Variants in EPHA4 observed in about 807,000 individuals in gnomAD.
EPHA4 encodes ephrin type-A receptor 4.
Under a neutral mutation model 108.3 loss-of-function variants are expected in EPHA4, and 19 were observed. The observed-to-expected ratio is 0.18, with a 90% CI of 0.12 to 0.26. The LOEUF (loss-of-function observed/expected upper bound fraction) is 0.26. Among genes scored for constraint, EPHA4 ranks in the 10% least tolerant of loss-of-function variants. The pLI is 1.00. For synonymous variants in EPHA4, 449 were observed against 455.5 expected (o/e 0.99, Z 0.18); for missense variants, 917 against 1,254.0 (o/e 0.73, Z 4.06).
At chr2:221,538,124 C>T (rs1459987924) in intron 3 of EPHA4, among the ~76,000 whole-genome samples, 2 of 152,120 alleles carry the variant, frequency 1.3e-5, no homozygotes, top group Non-Finnish European at 2.9e-5. Context: ...AACGAAGAGT[C>T]TAAAACGTAG....
chr2:221,430,051 C>T lies in EPHA4; in HGVS notation c.2597G>A (p.Ser866Asn), dbSNP rs749224993. 2.5e-6 allele frequency: 4 copies of T among 1,614,104 alleles called. No individual in the cohort carries two copies. Among genetic ancestry groups the T allele is most frequent in the Non-Finnish European group, 3.4e-6 (4 of 1,180,028 alleles). ...LMLDCWQKER[S>N]DRPKFGQIVN... ...AATCTGCCCAAATTTAGGCCTGTCG[C>T]TCCTCTCCTTCTGCCAGCAGTCTAG... is the stretch of plus-strand genomic sequence containing the variant. Residue 866 changes from serine (S) to asparagine (N), a missense_variant, in exon 15 of 18, where the codon AGC becomes AAC. Physicochemically the swap from Ser to Asn is conservative, Grantham distance 46. Around this residue, in one of 3 missense-constraint regions of EPHA4, gnomAD observed 133 missense variants for 132.8 expected, o/e 1.00. Transcript: ENST00000281821.
chr2:221,483,952 C>G (rs904374886), intron 4 of EPHA4, among the ~76,000 whole-genome samples: 24 of 152,276 alleles, frequency 1.6e-4, no homozygotes, highest in African/African-American at 4.8e-4. Flanking sequence ...CATAGCTACT[C>G]AGTTTGACAG....
chr2:221,521,397 G>A (rs1693161227), intron 3 of EPHA4, among the ~76,000 whole-genome samples: 1 of 152,168 alleles, frequency 6.6e-6, no homozygotes, highest in Non-Finnish European at 1.5e-5. Context: ...CAGTAGAGAT[G>A]CTATAGCCAA....
At chr2:221,432,453 T>C (rs1331397979) in intron 14 of EPHA4, among the ~76,000 whole-genome samples, 1 of 152,164 alleles carries the variant, frequency 6.6e-6, no homozygotes, top group Non-Finnish European at 1.5e-5. Context: ...GCTATTCCCC[T>C]CCATAGTCTT....
At chr2:221,572,352 G>C, upstream of EPHA4, 1 of 1,032,632 alleles carries the variant, frequency 9.7e-7, no homozygotes, top group Non-Finnish European at 1.4e-6. Context: ...GGGCGGGCCC[G>C]GCCGGTGACG....
chr2:221,445,187 T>G (rs902016540), intron 9 of EPHA4, among the ~76,000 whole-genome samples: 3 of 152,188 alleles, frequency 2.0e-5, no homozygotes, highest in Non-Finnish European at 4.4e-5. Flanking sequence ...TTCAATAGCT[T>G]GTGTGGCTAT....
At chr2:221,531,969 G>A (rs1693532966) in intron 3 of EPHA4, among the ~76,000 whole-genome samples, 1 of 152,138 alleles carries the variant, frequency 6.6e-6, no homozygotes, top group African/African-American at 2.4e-5. Context: ...TCAGGAACAA[G>A]GACCTGCAGC....
rs1253091657 is a variant in EPHA4, at chr2:221,571,119, C to T, written c.91+1039G>A. ...CCGCTTCCACGCAGGCATTCGCGCA[C>T]CTACATACACGCAGTTGCACGCGCG... On this transcript the variant is annotated intron_variant, in intron 1 of 17. Coordinates refer to ENST00000281821, the MANE Select transcript of EPHA4 (RefSeq NM_004438.5). The surrounding 1 kb of genome is among the most constrained non-coding windows in gnomAD (Gnocchi z 6.3). Among the ~76,000 whole-genome samples the T allele has an allele frequency of 1.3e-5, 2 of 152,090 alleles. No homozygotes were observed. The highest frequency in any genetic ancestry group is 2.9e-5 in the Non-Finnish European group (2 of 68,012).
In EPHA4 at chr2:221,512,691, G is replaced by T. The variant is rs1574624757; in HGVS notation, c.824-11519C>A. On this transcript the variant is annotated intron_variant, in intron 3 of 17. Coordinates refer to ENST00000281821, the MANE Select transcript of EPHA4 (RefSeq NM_004438.5). Reference sequence around the variant, plus strand: ...TGAATTTAATACACGGGTCTATGCAGATTAGCGTCATTATGTAGAAATTTC... The same window carrying T: ...TGAATTTAATACACGGGTCTATGCATATTAGCGTCATTATGTAGAAATTTC... 2.0e-5 allele frequency among the ~76,000 whole-genome samples: 3 copies of T among 152,346 alleles called. No homozygotes were observed. In the East Asian group the frequency reaches 5.8e-4, roughly 29 times the overall value.
intron 8 of EPHA4, among the ~76,000 whole-genome samples, chr2:221,452,561 C>T (rs550283733): frequency 6.6e-6 from 1 of 152,334 alleles, no homozygotes; most frequent in African/African-American, 2.4e-5. Context: ...CTGTCAGCTA[C>T]CTGGCTCCGG....
At chr2:221,459,550 AAC>A (rs1170340510) in intron 5 of EPHA4, among the ~76,000 whole-genome samples, 2 of 150,740 alleles carry the variant, frequency 1.3e-5, no homozygotes, top group Admixed American at 1.3e-4. Context: ...CCCTTCTCCC[AAC>A]ACACACACAG....
intron 3 of EPHA4, among the ~76,000 whole-genome samples, chr2:221,520,551 G>C (rs994647517): frequency 1.3e-5 from 2 of 151,366 alleles, no homozygotes; most frequent in Admixed American, 1.3e-4. Flanking sequence ...CACAGAGAGA[G>C]AGAGAGAGAG....
At chr2:221,562,150 T>A (rs1398713356) in intron 3 of EPHA4, among the ~76,000 whole-genome samples, 1 of 152,086 alleles carries the variant, frequency 6.6e-6, no homozygotes, top group Non-Finnish European at 1.5e-5. Flanking sequence ...GAGGCCTTAA[T>A]CTTTATTTTA....
At chr2:221,424,258 TGGA>T (rs1326549835) in intron 17 of EPHA4, among the ~76,000 whole-genome samples, 3 of 152,050 alleles carry the variant, frequency 2.0e-5, no homozygotes, top group Non-Finnish European at 4.4e-5. Context: ...CAAAAATTGT[TGGA>T]GTAGTTTTAA....
intron 3 of EPHA4, among the ~76,000 whole-genome samples, chr2:221,524,486 C>T (rs1488448474): frequency 1.3e-5 from 2 of 152,144 alleles, no homozygotes; most frequent in Non-Finnish European, 2.9e-5. Context: ...TAGTAGAAGT[C>T]ATTAGAACCC....
rs1467402574 is a variant in EPHA4, at chr2:221,482,581, A to G, written c.1089T>C (p.Asn363=). The part of the protein sequence containing the change: ...NTGGRQDISY[N]VVCKKCGAGD... ...CAGCTCCACATTTCTTGCATACCAC[A>G]TTATAGGAAATGTCCTGGCGGCCAC... is the stretch of plus-strand genomic sequence containing the variant. Residue 363 remains asparagine (N), a synonymous_variant, in exon 5 of 18, where the codon AAT becomes AAC. Transcript: ENST00000281821. 5.6e-6 allele frequency: 9 copies of G among 1,614,074 alleles called. No individual in the cohort carries two copies. The highest frequency in any genetic ancestry group is 1.3e-5 in the African/African-American group (1 of 75,020).
At chr2:221,525,383 G>A (rs560265190) in intron 3 of EPHA4, among the ~76,000 whole-genome samples, 34 of 152,182 alleles carry the variant, frequency 2.2e-4, no homozygotes, top group Non-Finnish European at 3.7e-4. Flanking sequence ...GTTACCATAT[G>A]CTCCGTAAAT....
At chr2:221,420,883 C>A (rs1034995555) in intron 17 of EPHA4, among the ~76,000 whole-genome samples, 1 of 152,108 alleles carries the variant, frequency 6.6e-6, no homozygotes, top group African/African-American at 2.4e-5. Flanking sequence ...GGGATTAGAC[C>A]CCACAAAGTT....
intron 3 of EPHA4, among the ~76,000 whole-genome samples, chr2:221,510,762 C>A (rs1006955521): frequency 6.6e-6 from 1 of 152,172 alleles, no homozygotes; most frequent in Non-Finnish European, 1.5e-5. Context: ...ATTTTCCCTT[C>A]TTGCCTTTAG....
Sources: allele counts gnomAD v4.1 joint callset (sites outside exome capture counted in the v4.1 genomes callset), GRCh38; gene constraint gnomAD v4.1.1; regional missense constraint gnomAD v4.1.1; non-coding constraint Gnocchi (gnomAD v3.1); transcripts MANE v1.5; gene names NCBI Gene and HGNC (gene_info 2026-07-23, HGNC 2026-07-21).